Variants in ETFB observed in about 807,000 individuals in gnomAD.
ETFB encodes beta-ETF.
Under a neutral mutation model 25.6 loss-of-function variants are expected in ETFB, and 20 were observed. The ratio of observed to expected loss-of-function variants is 0.78; its 90% CI spans 0.55 to 1.14. The LOEUF is 1.14. Ranked by LOEUF, ETFB falls within the 50% of genes most tolerant of loss-of-function variation. The pLI, the probability that ETFB is intolerant of heterozygous loss-of-function variation, is 0.00. For missense variants in ETFB, 286 were observed against 342.6 expected, an observed-to-expected ratio of 0.83 and a Z score of 1.30; for synonymous variants, 142 against 146.7, an observed-to-expected ratio of 0.97 and a Z score of 0.23.
chr19:51,346,030 T>C (rs1347965426), intron 5 of ETFB: 1 of 148,226 alleles, frequency 6.7e-6, no homozygotes, highest in East Asian at 2.4e-4. Context: ...GAACCCTCCC[T>C]ATAGGCTGAG....
At chr19:51,357,916 A>G (rs1866807368) in intron 1 of ETFB, among the ~76,000 whole-genome samples, 1 of 152,220 alleles carries the variant, frequency 6.6e-6, no homozygotes, top group African/African-American at 2.4e-5. Flanking sequence ...TGGCTCAGAC[A>G]GCTGTGACAG....
Position 51,354,609 on chromosome 19 carries a change from A to T in ETFB, c.58-301T>A, listed in dbSNP as rs759464497. ...AAAGAGTGTTTCTCAAATTTACAGT[A>T]TTTATGGTAACCCACAGTGAGAGGT... On this transcript the variant is annotated intron_variant, in intron 1 of 5. Transcript: ENST00000309244. The T allele has an allele frequency of 5.0e-6, 8 of 1,611,874 alleles. No homozygotes were observed. In the South Asian group the frequency reaches 8.8e-5, roughly 18 times the overall value.
intron 1 of ETFB, among the ~76,000 whole-genome samples, chr19:51,359,258 G>A (rs931692085): frequency 5.3e-5 from 8 of 150,860 alleles, no homozygotes; most frequent in African/African-American, 9.8e-5. Flanking sequence ...GGATTTCCCC[G>A]TGTTTCCCAG....
intron 3 of ETFB, 25 bp from the exon 4 acceptor site, chr19:51,350,416 GT>G (rs1568466706): frequency 8.2e-7 from 1 of 1,224,588 alleles, no homozygotes; most frequent in Non-Finnish European, 1.2e-6. Flanking sequence ...ACAGAAGACT[GT>G]ATGACAATCA....
At chr19:51,364,089 G>T (rs1986294078) in intron 1 of ETFB, among the ~76,000 whole-genome samples, 1 of 152,200 alleles carries the variant, frequency 6.6e-6, no homozygotes, top group East Asian at 1.9e-4. Flanking sequence ...GTGCAGAAAG[G>T]CCCCTAAGGC....
intron 2 of ETFB, among the ~76,000 whole-genome samples, chr19:51,353,536 C>T (rs1319629714): frequency 0.016 from 1 of 62 alleles, no homozygotes; most frequent in Non-Finnish European, 0.031. Context: ...GAGTCCGGGC[C>T]CCCATCCCCT....
At chr19:51,359,516 C>A (rs1986167190) in intron 1 of ETFB, among the ~76,000 whole-genome samples, 1 of 151,638 alleles carries the variant, frequency 6.6e-6, no homozygotes, top group Non-Finnish European at 1.5e-5. Context: ...TGGCAGAACT[C>A]CCAGCCCTAA....
In ETFB at chr19:51,354,197, GCTT is replaced by G. The variant is rs780806600; in HGVS notation, c.166_168del (p.Lys56del). On this transcript the variant is annotated inframe_deletion, in exon 2 of 6. Transcript: ENST00000309244. ...CTGACGGCGATGACCTCCTTCACCA[GCTT>G]CTTCTCCTTGAGCCGCACAGCCTCC... 2 of 1,614,120 alleles carry G rather than the reference GCTT, an allele frequency of 1.2e-6. No homozygotes were observed. Among genetic ancestry groups the G allele is most frequent in the East Asian group, 2.2e-5 (1 of 44,880 alleles).
intron 5 of ETFB, chr19:51,346,240 CCCTCCCTATAGGCTGAGATGATGCGCTG>C: frequency 6.7e-6 from 1 of 148,168 alleles, no homozygotes; most frequent in Non-Finnish European, 1.5e-5. Flanking sequence ...ATGCGCTGAA[CCCTCCCTATAGGCTGAGATGATGCGCTG>C]AACCCTCCCT....
intron 5 of ETFB, chr19:51,346,669 C>G: frequency 1.8e-6 from 1 of 561,592 alleles, no homozygotes; most frequent in Non-Finnish European, 3.2e-6. Context: ...TTTCTACTGG[C>G]CTAGATACCA....
At chr19:51,345,459 A>T in intron 5 of ETFB, 78 bp from the exon 6 acceptor site, 1 of 1,444,650 alleles carries the variant, frequency 6.9e-7, no homozygotes, top group Non-Finnish European at 9.7e-7. Flanking sequence ...CATGGGTGCC[A>T]GGCCTGCAGA....
chr19:51,354,101 TC>T lies in ETFB; in HGVS notation c.216+48del. On this transcript the variant is annotated intron_variant, in intron 2 of 5. Transcript: ENST00000309244. The stretch of plus-strand genomic sequence containing the variant: ...ACCCAGGAGTCCAGGTCCCAGCCCC[TC>T]CTCCGTCAGACCCAGGAGTCCAGCC... 3 of 1,594,704 alleles carry T rather than the reference TC, an allele frequency of 1.9e-6. No individual in the cohort carries two copies. In the African/African-American group the frequency reaches 4.0e-5, roughly 21 times the overall value.
At chr19:51,354,356 A>G (rs993404483) in intron 1 of ETFB, 48 bp from the exon 2 acceptor site, 5 of 1,613,722 alleles carry the variant, frequency 3.1e-6, no homozygotes, top group Middle Eastern at 1.6e-4. Context: ...AACAGGCAAG[A>G]AGGTGGGGGC....
chr19:51,345,319 G>A lies in ETFB; in HGVS notation c.660C>T (p.Ser220=). 1 of 1,614,120 alleles carries A rather than the reference G, an allele frequency of 6.2e-7. No homozygotes were observed. ...CCTCCACACTGATCACAGAGAGCTT[G>A]GAGGTCAGGTCCACACCCAGGTCCC... ...KPGDLGVDLT[S]KLSVISVEDP... Residue 220 remains serine (S), a synonymous_variant, in exon 6 of 6, where the codon TCC becomes TCT. Coordinates refer to ENST00000309244, the MANE Select transcript of ETFB (RefSeq NM_001985.3).
chr19:51,366,278 C>G lies in ETFB; in HGVS notation c.49G>C (p.Ala17Pro). 6.2e-7 allele frequency: 1 copy of G among 1,613,978 alleles called. No individual in the cohort carries two copies. The highest frequency in any genetic ancestry group is 8.5e-7 in the Non-Finnish European group (1 of 1,179,980). The change falls in exon 1 of 6, where the codon GCC (alanine) becomes CCC (proline). Residue 17 changes from alanine (A) to proline (P), a missense_variant. Coordinates refer to ENST00000309244, the MANE Select transcript of ETFB (RefSeq NM_001985.3). ...LVAVKRVIDYAVKIRVKPDRT... is the reference protein window; with the variant it reads ...LVAVKRVIDYPVKIRVKPDRT... ...GAGGGGGGCCCGATCACCTTCACGG[C>G]GTAGTCGATGACCCTCTTGACAGCT...
chr19:51,349,444 C>T (rs1356015240), intron 4 of ETFB, among the ~76,000 whole-genome samples: 2 of 59,066 alleles, frequency 3.4e-5, no homozygotes, highest in Non-Finnish European at 3.3e-5. Context: ...ATGTGCCTTG[C>T]TTCTTTTTTT....
At chr19:51,353,108 A>AC (rs1440544663) in intron 3 of ETFB, 24 bp downstream of exon 3, 2 of 1,613,364 alleles carry the variant, frequency 1.2e-6, no homozygotes, top group Admixed American at 3.3e-5. Flanking sequence ...GCAAGGGGGC[A>AC]CAGGGAGGGC....
rs145797406 is a variant in ETFB, at chr19:51,350,769, T to C, written c.376-378A>G. Among the ~76,000 whole-genome samples, 666 of 152,112 alleles carry C rather than the reference T, an allele frequency of 4.4e-3. 2 individuals are homozygous for C. The highest frequency in any genetic ancestry group is 0.015 in the African/African-American group (610 of 41,508). ...TACAGGCATGAGTCACCGCAGCCAG[T>C]CGGGTTGGCAAACCTTTTCTATGGT... On this transcript the variant is annotated intron_variant, in intron 3 of 5. Transcript: ENST00000309244.
At position 51,354,659 on chromosome 19, in the gene ETFB, A is replaced by T. The variant is rs781438805; in HGVS notation, c.58-351T>A. On this transcript the variant is annotated intron_variant, in intron 1 of 5. Coordinates refer to ENST00000309244, the MANE Select transcript of ETFB (RefSeq NM_001985.3). Reference sequence around the variant, plus strand: ...TACATTTTACTGTATCTCCAAGTGTATATAAATACATAATACACTGATACA... The same window carrying T: ...TACATTTTACTGTATCTCCAAGTGTTTATAAATACATAATACACTGATACA... 2.6e-5 allele frequency: 42 copies of T among 1,611,150 alleles called. 1 individual carries two copies. In the South Asian group the frequency reaches 3.5e-4, roughly 13 times the overall value.
Sources: gnomAD v4.1 joint callset for allele counts (sites outside exome capture counted in the v4.1 genomes callset) on GRCh38, gnomAD v4.1.1 for gene constraint, MANE v1.5 for transcripts, NCBI Gene and HGNC (gene_info 2026-07-23, HGNC 2026-07-21) for gene names.